EEF2: variants seen among roughly 807,000 people sequenced by gnomAD.
EEF2 encodes eukaryotic translation elongation factor 2.
A neutral mutation model predicts 85.3 loss-of-function variants in EEF2; 21 were observed. The observed-to-expected ratio is 0.25, with a 90% CI of 0.17 to 0.35. EEF2 has a LOEUF of 0.35. EEF2 is among the 10% of genes least tolerant of loss of function. The pLI, the probability that EEF2 is intolerant of heterozygous loss-of-function variation, is 1.00. For missense variants in EEF2, 825 were observed against 1,225.3 expected (o/e 0.67, Z 4.88); for synonymous variants, 723 against 508.8 (o/e 1.42, Z -5.67).
intron 1 of EEF2, among the ~76,000 whole-genome samples, 200 bp from the exon 2 acceptor site, chr19:3,984,550 G>A (rs909704571): frequency 2.0e-5 from 3 of 152,202 alleles, no homozygotes; most frequent in African/African-American, 4.8e-5. Context: ...GTTAATAGGT[G>A]TCATTCATGA....
intron 7 of EEF2, 110 bp from the exon 8 acceptor site, chr19:3,981,089 CTCCAAAGCACAG>C: frequency 4.8e-6 from 7 of 1,458,428 alleles, no homozygotes; most frequent in Non-Finnish European, 6.4e-6. Flanking sequence ...GACTAACGTT[CTCCAAAGCACAG>C]TCCCTTCTGG....
Position 3,977,970 on chromosome 19 carries a change from T to C in EEF2, c.1916A>G (p.Tyr639Cys). 6.2e-7 allele frequency: 1 copy of C among 1,613,274 alleles called. No homozygotes were observed. The highest frequency in any genetic ancestry group is 8.5e-7 in the Non-Finnish European group (1 of 1,179,886). The change falls in exon 12 of 15, where the codon TAC becomes TGC. Residue 639 changes from tyrosine (Y) to cysteine (C), a missense_variant. Tyr to Cys is a radical substitution (Grantham distance 194). Coordinates refer to ENST00000309311, the MANE Select transcript of EEF2 (RefSeq NM_001961.4). The surrounding 1 kb of genome is among the most constrained non-coding windows in gnomAD (Gnocchi z 5.4). The stretch of plus-strand genomic sequence containing the variant: ...GCGGGCCTCAGCCACGTCCCACTCG[T>C]ACTTCTCGGCCAGGTAGCGCGCCCG... The part of the protein sequence containing the change: ...KQRARYLAEK[Y>C]EWDVAEARKI...
rs774217822 is a variant in EEF2, at chr19:3,979,862, C to A, written c.1551G>T (p.Leu517=). Residue 517 remains leucine, a synonymous_variant, in exon 10 of 15, where the codon CTG becomes CTT. Coordinates refer to ENST00000309311, the MANE Select transcript of EEF2 (RefSeq NM_001961.4). The stretch of plus-strand genomic sequence containing the variant: ...GCTTCAGCCCCTCCACCAGCTTGGG[C>A]AGGTCAGCCGGGTTCTTGGCCTCCA... ...VAVEAKNPAD[L]PKLVEGLKRL... is the part of the protein sequence containing the mutation. 9.9e-6 allele frequency: 16 copies of A among 1,613,810 alleles called. No homozygotes were observed. Among genetic ancestry groups the A allele is most frequent in the Non-Finnish European group, 1.4e-5 (16 of 1,180,034 alleles).
intron 2 of EEF2, chr19:3,983,882 G>A (rs549920355): frequency 1.9e-5 from 10 of 535,142 alleles, no homozygotes; most frequent in Non-Finnish European, 2.7e-5. Flanking sequence ...GTAGGAGTGG[G>A]GGCAAGTCCC....
chr19:3,980,389 A>G (rs1426127772), intron 9 of EEF2, 125 bp downstream of exon 9: 4 of 1,250,914 alleles, frequency 3.2e-6, no homozygotes, highest in East Asian at 5.0e-5. Context: ...TGTGGCTGGC[A>G]CAAGTATCAC....
rs2039719721 is a variant in EEF2 at position 3,979,556 on chromosome 19, A to C, written c.1606-120T>G. ...ACAAGATTTCAGGGAAGGTGCTGGG[A>C]AACTGGGACCAGCACAAACTCCTGA... On this transcript the variant is annotated intron_variant, in intron 10 of 14. Transcript: ENST00000309311. 7.0e-6 allele frequency: 7 copies of C among 995,674 alleles called. No individual in the cohort carries two copies. In the Admixed American group the frequency reaches 1.7e-4, roughly 24 times the overall value. 61.7% of individuals were successfully genotyped at this position (995,674 alleles called of 1,614,324 possible). A position where few individuals can be genotyped will look rare whatever the true frequency, so the allele number is the denominator to read the frequency against.
chr19:3,980,911 G>A lies in EEF2; in HGVS notation c.1080C>T (p.Ser360=). The A allele has an allele frequency of 3.2e-6, 5 of 1,568,086 alleles. No homozygotes were observed. The highest frequency in any genetic ancestry group is 4.3e-6 in the Non-Finnish European group (5 of 1,157,592). Reference sequence around the variant, plus strand: ...AGCGGTACTTCTGGGCCGTCACAGGGGAGGGCAGGTGGATGGTGATCATCT... The same window carrying A: ...AGCGGTACTTCTGGGCCGTCACAGGAGAGGGCAGGTGGATGGTGATCATCT... The part of the protein sequence containing the change: ...LLQMITIHLP[S]PVTAQKYRCE... Residue 360 remains serine (S), a synonymous_variant, in exon 8 of 15, where the codon TCC becomes TCT. Coordinates refer to ENST00000309311, the MANE Select transcript of EEF2 (RefSeq NM_001961.4).
In EEF2 at chr19:3,980,060, G is replaced by A; in HGVS notation, c.1353C>T (p.Ile451=). 6.2e-7 allele frequency: 1 copy of A among 1,612,748 alleles called. No homozygotes were observed. Among genetic ancestry groups the A allele is most frequent in the Non-Finnish European group, 8.5e-7 (1 of 1,179,678 alleles). ...DLYLKPIQRT[I]LMMGRYVEPI... is the part of the protein sequence containing the mutation. ...GCTCCACGTAGCGGCCCATCATCAA[G>A]ATTGTTCTGGAAGAAGCAGAAGGCG... is the stretch of plus-strand genomic sequence containing the variant. Residue 451 remains isoleucine, a synonymous_variant, in exon 10 of 15, where the codon ATC becomes ATT. Transcript: ENST00000309311.
chr19:3,981,534 C>G, intron 6 of EEF2, 82 bp from the exon 7 acceptor site: 1 of 1,275,322 alleles, frequency 7.8e-7, no homozygotes, highest in Admixed American at 1.7e-5. Flanking sequence ...TTGGAAGACT[C>G]AGGTCAGCGC....
intron 11 of EEF2, among the ~76,000 whole-genome samples, chr19:3,979,068 G>A (rs532001547): frequency 3.3e-5 from 5 of 150,052 alleles, no homozygotes; most frequent in Admixed American, 2.0e-4. Flanking sequence ...GGAGGTGGAG[G>A]TTCTAGCGAG....
At chr19:3,984,392 G>A (rs755045656) in intron 1 of EEF2, 42 bp from the exon 2 acceptor site, 19 of 1,598,902 alleles carry the variant, frequency 1.2e-5, no homozygotes, top group South Asian at 4.4e-5. Context: ...GTGATTTCCA[G>A]GAACACAGCA....
intron 7 of EEF2, 21 bp downstream of exon 7, chr19:3,981,318 A>C (rs76853513): frequency 6.2e-7 from 1 of 1,609,402 alleles, no homozygotes; most frequent in Admixed American, 1.7e-5. Context: ...CTCCACCCCG[A>C]GGGCTGGGCC....
At chr19:3,978,684 A>G (rs1027080411) in intron 11 of EEF2, among the ~76,000 whole-genome samples, 5 of 151,466 alleles carry the variant, frequency 3.3e-5, no homozygotes, top group African/African-American at 9.7e-5. Flanking sequence ...AGGCGCCTGA[A>G]GTCCCAGCTA....
chr19:3,982,758 T>C (rs780773659), intron 4 of EEF2, 49 bp downstream of exon 4: 1 of 1,567,894 alleles, frequency 6.4e-7, no homozygotes, highest in Non-Finnish European at 8.6e-7. Flanking sequence ...CACCGGCTCC[T>C]GCAGATCCCG....
At chr19:3,979,298 G>A in intron 11 of EEF2, 31 bp downstream of exon 11, 1 of 1,573,962 alleles carries the variant, frequency 6.4e-7, no homozygotes, top group Non-Finnish European at 8.7e-7. Context: ...CCGGGGTGGG[G>A]CGTGGGGAAG....
At chr19:3,978,600 T>C (rs1599191817) in intron 11 of EEF2, among the ~76,000 whole-genome samples, 1 of 150,432 alleles carries the variant, frequency 6.6e-6, no homozygotes, top group East Asian at 2.0e-4. Context: ...GGTCAGGAGA[T>C]CCAGACCATC....
chr19:3,977,194 C>G lies in EEF2; in HGVS notation c.2383+21G>C. 1 of 1,609,938 alleles carries G rather than the reference C, an allele frequency of 6.2e-7. No individual in the cohort carries two copies. The highest frequency in any genetic ancestry group is 8.5e-7 in the Non-Finnish European group (1 of 1,177,700). ...AAACCAGCCTGCCAGGCTCTGCAGG[C>G]CACACCGGGCAGGCACTCACCAAAG... is the stretch of plus-strand genomic sequence containing the variant. On this transcript the variant is annotated intron_variant, in intron 14 of 14. Transcript: ENST00000309311. The surrounding 1 kb of genome is among the most constrained non-coding windows in gnomAD (Gnocchi z 5.4).
At position 3,980,928 on chromosome 19, in the gene EEF2, T is replaced by C; in HGVS notation, c.1063A>G (p.Thr355Ala). Residue 355 changes from threonine to alanine, a missense_variant, in exon 8 of 15, where the codon ACC becomes GCC. Coordinates refer to ENST00000309311, the MANE Select transcript of EEF2 (RefSeq NM_001961.4). ...PAGDALLQMITIHLPSPVTAQ... is the reference protein window; with the variant it reads ...PAGDALLQMIAIHLPSPVTAQ... ...GTCACAGGGGAGGGCAGGTGGATGGTGATCATCTGCAACAAGGCGTCTCCG... is the reference window on the plus strand; with the variant it reads ...GTCACAGGGGAGGGCAGGTGGATGGCGATCATCTGCAACAAGGCGTCTCCG... 2.5e-6 allele frequency: 4 copies of C among 1,571,608 alleles called. No individual in the cohort carries two copies. The highest frequency in any genetic ancestry group is 2.6e-6 in the Non-Finnish European group (3 of 1,159,362).
Position 3,977,025 on chromosome 19 carries a change from T to C in EEF2, c.2383+190A>G, listed in dbSNP as rs927517348. ...CCCAGAGCCCTTCTCACACTGGGGA[T>C]AGGAGAGCCCCTCCCCTGGGAATTC... On this transcript the variant is annotated intron_variant, in intron 14 of 14. Transcript: ENST00000309311. This position sits in a 1 kb window ranked among gnomAD's most constrained non-coding sequence, Gnocchi z 5.4. Among the ~76,000 whole-genome samples the C allele has an allele frequency of 2.0e-5, 3 of 152,194 alleles. No individual in the cohort carries two copies. Among genetic ancestry groups the C allele is most frequent in the African/African-American group, 7.2e-5 (3 of 41,440 alleles).
Sources: allele counts gnomAD v4.1 joint callset (sites outside exome capture counted in the v4.1 genomes callset), GRCh38; gene constraint gnomAD v4.1.1; non-coding constraint Gnocchi (gnomAD v3.1); transcripts MANE v1.5; gene names NCBI Gene and HGNC (gene_info 2026-07-23, HGNC 2026-07-21).